The following GLIS3 variants were observed in gnomAD, a reference collection of about 807,000 sequenced individuals.
GLIS3 encodes the protein GLIS family zinc finger 3.
A neutral mutation model predicts 78.6 loss-of-function variants in GLIS3; 53 were observed. The ratio of observed to expected loss-of-function variants is 0.67; its 90% CI spans 0.54 to 0.85. The LOEUF is 0.85. Among genes scored for constraint, GLIS3 ranks in the 40% least tolerant of loss-of-function variants. The pLI is 0.00. For missense variants in GLIS3, 1,703 were observed against 1,231.1 expected, an observed-to-expected ratio of 1.38 and a Z score of -5.74; for synonymous variants, 684 against 509.9, an observed-to-expected ratio of 1.34 and a Z score of -4.60.
At chr9:4,248,830 T>A (rs1476600039) in intron 2 of GLIS3, among the ~76,000 whole-genome samples, 4 of 152,218 alleles carry the variant, frequency 2.6e-5, no homozygotes, top group Non-Finnish European at 5.9e-5. Context: ...TGCATTTCTC[T>A]AATGACCAGT....
intron 2 of GLIS3, among the ~76,000 whole-genome samples, chr9:4,130,909 C>T (rs994378160): frequency 6.6e-6 from 1 of 152,190 alleles, no homozygotes; most frequent in African/African-American, 2.4e-5. Context: ...AATGCCAGCC[C>T]ATGAAAACAG....
intron 4 of GLIS3, among the ~76,000 whole-genome samples, chr9:3,959,167 T>C (rs1588316672): frequency 6.6e-6 from 1 of 152,264 alleles, no homozygotes; most frequent in East Asian, 1.9e-4. Flanking sequence ...TCTGCAAGGA[T>C]TAATGGGCAG....
chr9:4,257,861 T>C (rs971168743), intron 2 of GLIS3, among the ~76,000 whole-genome samples: 16 of 152,030 alleles, frequency 1.1e-4, no homozygotes, highest in Admixed American at 6.6e-5. Context: ...GTGTGAGCCA[T>C]TGCGCCCGGC....
chr9:4,191,788 G>A (rs965823829), intron 2 of GLIS3, among the ~76,000 whole-genome samples: 2 of 152,142 alleles, frequency 1.3e-5, no homozygotes, highest in Non-Finnish European at 2.9e-5. Context: ...GTACCTACCT[G>A]TTCCTGTACC....
At chr9:4,068,360 G>C (rs1827281107) in intron 4 of GLIS3, among the ~76,000 whole-genome samples, 1 of 151,676 alleles carries the variant, frequency 6.6e-6, no homozygotes, top group African/African-American at 2.4e-5. Context: ...GAAAACTAGA[G>C]AAAAATAAGT....
chr9:4,194,358 C>T (rs2131232437), intron 2 of GLIS3, among the ~76,000 whole-genome samples: 1 of 152,216 alleles, frequency 6.6e-6, no homozygotes. Flanking sequence ...CAGCACCTGG[C>T]CTGCCACTTT....
intron 9 of GLIS3, among the ~76,000 whole-genome samples, chr9:3,851,212 C>T (rs2130180502): frequency 6.6e-6 from 1 of 152,238 alleles, no homozygotes; most frequent in African/African-American, 2.4e-5. Context: ...ACAAAATGTA[C>T]ACATATCAAC....
the GLIS3 span, among the ~76,000 whole-genome samples, chr9:4,376,209 A>G: frequency 6.6e-6 from 1 of 152,152 alleles, no homozygotes; most frequent in Admixed American, 6.6e-5. Flanking sequence ...GCAGAGACAA[A>G]TGGTTCCTTT....
intron 1 of GLIS3, among the ~76,000 whole-genome samples, chr9:4,288,885 C>G (rs1161661417): frequency 1.3e-5 from 2 of 152,052 alleles, no homozygotes; most frequent in Non-Finnish European, 2.9e-5. Flanking sequence ...ATAAAAGAAA[C>G]TAAACATGAA....
chr9:4,391,242 G>T, the GLIS3 span, among the ~76,000 whole-genome samples: 2 of 152,266 alleles, frequency 1.3e-5, no homozygotes, highest in East Asian at 1.9e-4. Flanking sequence ...GGGGACATGG[G>T]GGGTACCTCA....
At chr9:4,008,695 G>A (rs1821751630) in intron 4 of GLIS3, among the ~76,000 whole-genome samples, 1 of 152,106 alleles carries the variant, frequency 6.6e-6, no homozygotes, top group African/African-American at 2.4e-5. Context: ...TGTGAATTCT[G>A]TGACATAAAA....
At chr9:4,159,568 A>C (rs926506621) in intron 2 of GLIS3, among the ~76,000 whole-genome samples, 5 of 152,098 alleles carry the variant, frequency 3.3e-5, no homozygotes, top group African/African-American at 1.2e-4. Context: ...AAAATACAAA[A>C]ATTAACTGGG....
chr9:4,430,477 C>A, the GLIS3 span, among the ~76,000 whole-genome samples: 1 of 152,208 alleles, frequency 6.6e-6, no homozygotes, highest in Admixed American at 6.5e-5. Context: ...GTCTTTCGTG[C>A]AAAATATTTG....
At chr9:4,435,715 C>G in the GLIS3 span, among the ~76,000 whole-genome samples, 2 of 152,082 alleles carry the variant, frequency 1.3e-5, no homozygotes, top group Non-Finnish European at 2.9e-5. Flanking sequence ...TTTGGGAGGC[C>G]AAGGCGGGCG....
At chr9:4,068,237 A>G (rs916103105) in intron 4 of GLIS3, among the ~76,000 whole-genome samples, 5 of 152,192 alleles carry the variant, frequency 3.3e-5, no homozygotes, top group Non-Finnish European at 5.9e-5. Flanking sequence ...AATAAAAACA[A>G]TAATTTTTAA....
intron 4 of GLIS3, among the ~76,000 whole-genome samples, chr9:4,060,770 C>A (rs906124348): frequency 1.2e-4 from 19 of 152,140 alleles, no homozygotes; most frequent in Non-Finnish European, 2.5e-4. Flanking sequence ...TTAAATTATC[C>A]AGTTTTGGGG....
At chr9:4,395,751 G>C in the GLIS3 span, among the ~76,000 whole-genome samples, 2 of 151,160 alleles carry the variant, frequency 1.3e-5, no homozygotes, top group Non-Finnish European at 2.9e-5. Context: ...AGAATAATTG[G>C]TCACCATTTT....
At chr9:4,082,851 T>C (rs556924286) in intron 4 of GLIS3, among the ~76,000 whole-genome samples, 2 of 152,350 alleles carry the variant, frequency 1.3e-5, no homozygotes, top group Admixed American at 1.3e-4. Context: ...AGACTTAAGA[T>C]GGAGTTTGTA....
intron 4 of GLIS3, among the ~76,000 whole-genome samples, chr9:4,044,009 A>G (rs753357713): frequency 9.2e-5 from 14 of 152,182 alleles, no homozygotes; most frequent in Non-Finnish European, 2.1e-4. Context: ...CCTTGTCAAG[A>G]GCACAGGTAA....
Sources: gnomAD v4.1 joint callset for allele counts (sites outside exome capture counted in the v4.1 genomes callset) on GRCh38, gnomAD v4.1.1 for gene constraint, MANE v1.5 for transcripts, NCBI Gene and HGNC (gene_info 2026-07-23, HGNC 2026-07-21) for gene names.